Variants in ST14 observed in about 807,000 individuals in gnomAD.
The protein encoded by ST14 is ST14 transmembrane serine protease matriptase, also known as suppressor of tumorigenicity 14 protein.
In ST14, 40 loss-of-function variants were observed where a neutral mutation model predicts 96.5. The observed-to-expected ratio is 0.41, with a 90% CI of 0.32 to 0.54. The LOEUF (loss-of-function observed/expected upper bound fraction) is 0.54, where lower values mean the gene tolerates loss of function less well. Among genes scored for constraint, ST14 ranks in the 20% least tolerant of loss-of-function variants. The pLI, the probability that ST14 is intolerant of heterozygous loss-of-function variation, is 0.17. For synonymous variants in ST14, 506 were observed against 492.1 expected (o/e 1.03, Z -0.37); for missense variants, 1,066 against 1,188.9 (o/e 0.90, Z 1.52).
intron 4 of ST14, 127 bp downstream of exon 4, chr11:130,189,066 T>C (rs112487378): frequency 0.038 from 38,753 of 1,014,074 alleles, 982 homozygotes; most frequent in African/African-American, 0.087. Context: ...CCAAGGAGGG[T>C]CCTCGCTGTG....
intron 5 of ST14, 67 bp downstream of exon 5, chr11:130,189,963 G>GGT: frequency 6.2e-7 from 1 of 1,612,800 alleles, no homozygotes; most frequent in Non-Finnish European, 8.5e-7. Flanking sequence ...CTGGGCCCTG[G>GGT]ACCATTGCAG....
intron 1 of ST14, among the ~76,000 whole-genome samples, chr11:130,185,638 A>G (rs1953230589): frequency 6.6e-6 from 1 of 152,240 alleles, no homozygotes; most frequent in Non-Finnish European, 1.5e-5. Context: ...CCTGGGCAAC[A>G]CAGCAAGACC....
chr11:130,198,784 G>A (rs539056112), intron 14 of ST14, among the ~76,000 whole-genome samples, 163 bp downstream of exon 14: 19 of 152,316 alleles, frequency 1.2e-4, no homozygotes, highest in Admixed American at 8.5e-4. Flanking sequence ...TTTCCAGAAG[G>A]TGGAGAACCT....
At chr11:130,179,233 G>T (rs764288891) in intron 1 of ST14, among the ~76,000 whole-genome samples, 11 of 152,206 alleles carry the variant, frequency 7.2e-5, no homozygotes, top group Non-Finnish European at 1.2e-4. Context: ...AGGGAGAGGG[G>T]CTTGGGAATC....
At chr11:130,203,274 C>T (rs1157559119) in intron 16 of ST14, among the ~76,000 whole-genome samples, 4 of 152,168 alleles carry the variant, frequency 2.6e-5, no homozygotes, top group Admixed American at 1.3e-4. Context: ...TCTCCCCCGT[C>T]CCATGAGACC....
At chr11:130,168,285 T>C (rs1591876827) in intron 1 of ST14, among the ~76,000 whole-genome samples, 1 of 152,162 alleles carries the variant, frequency 6.6e-6, no homozygotes, top group South Asian at 2.1e-4. Flanking sequence ...GTTATGCTGG[T>C]GAATTCTGGA....
At chr11:130,209,243 C>T (rs1417139790) in intron 17 of ST14, among the ~76,000 whole-genome samples, 199 bp from the exon 18 acceptor site, 1 of 152,148 alleles carries the variant, frequency 6.6e-6, no homozygotes, top group Non-Finnish European at 1.5e-5. Context: ...ACTCGCCTGG[C>T]AGATCTCAGC....
In ST14 at chr11:130,181,883, C is replaced by G. The variant is rs528774596; in HGVS notation, c.82-6231C>G. 2.8e-4 allele frequency among the ~76,000 whole-genome samples: 42 copies of G among 152,354 alleles called. No individual in the cohort carries two copies. The highest frequency in any genetic ancestry group is 1.0e-3 in the African/African-American group (42 of 41,582). Reference sequence around the variant, plus strand: ...TTTTAGGCTGGGTGGAGCCACAGAACTCACACTGCAGGGAGGACAGAGGAC... The same window carrying G: ...TTTTAGGCTGGGTGGAGCCACAGAAGTCACACTGCAGGGAGGACAGAGGAC... On this transcript the variant is annotated intron_variant, in intron 1 of 18. Coordinates refer to ENST00000278742, the MANE Select transcript of ST14 (RefSeq NM_021978.4). This position sits in a 1 kb window ranked among gnomAD's most constrained non-coding sequence, Gnocchi z 4.1.
chr11:130,200,553 C>T (rs1953417281), intron 16 of ST14, among the ~76,000 whole-genome samples: 1 of 152,312 alleles, frequency 6.6e-6, no homozygotes, highest in Admixed American at 6.5e-5. Flanking sequence ...CATGAGGGAA[C>T]CGTGACCAAA....
At chr11:130,172,794 C>T (rs1320196780) in intron 1 of ST14, among the ~76,000 whole-genome samples, 1 of 152,192 alleles carries the variant, frequency 6.6e-6, no homozygotes, top group Non-Finnish European at 1.5e-5. Context: ...CCTTGTCTGG[C>T]TGGATGCCGT....
chr11:130,160,134 G>T (rs1357887337), intron 1 of ST14, 74 bp downstream of exon 1: 4 of 1,088,300 alleles, frequency 3.7e-6, no homozygotes, highest in East Asian at 3.3e-5. Flanking sequence ...CGCTGGGCTC[G>T]GCCGGCTCCC....
chr11:130,191,430 C>T (rs1468084487), intron 7 of ST14, among the ~76,000 whole-genome samples: 1 of 152,162 alleles, frequency 6.6e-6, no homozygotes, highest in African/African-American at 2.4e-5. Flanking sequence ...TGGCTCACGC[C>T]TGTAAGCCCA....
At position 130,198,577 on chromosome 11, in the gene ST14, A is replaced by G. The variant is rs1295559717; in HGVS notation, c.1640A>G (p.Lys547Arg). The change falls in exon 14 of 19, where the codon AAG becomes AGG. Residue 547 changes from lysine to arginine, a missense_variant. Coordinates refer to ENST00000278742, the MANE Select transcript of ST14 (RefSeq NM_021978.4). The part of the protein sequence containing the change: ...CLSKSQQCNG[K>R]DDCGDGSDEA... Reference sequence around the variant, plus strand: ...TCGAAAAGCCAGCAGTGCAATGGGAAGGACGACTGTGGGGACGGGTCCGAC... The same window carrying G: ...TCGAAAAGCCAGCAGTGCAATGGGAGGGACGACTGTGGGGACGGGTCCGAC... The G allele has an allele frequency of 1.2e-6, 2 of 1,614,104 alleles. No individual in the cohort carries two copies. The highest frequency in any genetic ancestry group is 1.7e-5 in the Admixed American group (1 of 60,034).
Position 130,209,982 on chromosome 11 carries a change from C to T in ST14, c.*159C>T, listed in dbSNP as rs1412000261. On this transcript the variant is annotated 3_prime_UTR_variant, in exon 19 of 19. Transcript: ENST00000278742. ...AGGGCTCCAAATCTGCCTAGAAAAC[C>T]TCTCGCTTCCTCAGCCTCCAAAGTG... 2 of 877,010 alleles carry T rather than the reference C, an allele frequency of 2.3e-6. No homozygotes were observed. The highest frequency in any genetic ancestry group is 1.8e-5 in the South Asian group (1 of 56,602). 54.3% of individuals were successfully genotyped at this position (877,010 alleles called of 1,614,324 possible).
At chr11:130,177,217 G>A (rs1451328783) in intron 1 of ST14, among the ~76,000 whole-genome samples, 2 of 152,018 alleles carry the variant, frequency 1.3e-5, no homozygotes, top group East Asian at 1.9e-4. Context: ...TTAGCCAACC[G>A]GATGAGTAGG....
intron 1 of ST14, among the ~76,000 whole-genome samples, chr11:130,173,385 G>A (rs1953109928): frequency 6.6e-6 from 1 of 152,100 alleles, no homozygotes; most frequent in Non-Finnish European, 1.5e-5. Flanking sequence ...ATCACCTGAG[G>A]TCAGGAGTCG....
In ST14 at chr11:130,191,264, C is replaced by T. The variant is rs375159783; in HGVS notation, c.875+570C>T. Among the ~76,000 whole-genome samples, 278 of 151,588 alleles carry T rather than the reference C, an allele frequency of 1.8e-3. 1 individual carries two copies. Among genetic ancestry groups the T allele is most frequent in the African/African-American group, 4.3e-3 (177 of 41,276 alleles). The stretch of plus-strand genomic sequence containing the variant: ...CAGGAGGATCTCCAGCCCAGGAGGT[C>T]GAGGCTGCAGTGAGCGGTGATTGCA... On this transcript the variant is annotated intron_variant, in intron 7 of 18. Coordinates refer to ENST00000278742, the MANE Select transcript of ST14 (RefSeq NM_021978.4).
chr11:130,161,557 A>T (rs144636077), intron 1 of ST14, among the ~76,000 whole-genome samples: 58 of 152,188 alleles, frequency 3.8e-4, no homozygotes, highest in South Asian at 1.2e-3. Context: ...CCTGACAAGC[A>T]GCCAGGCTGG....
chr11:130,173,920 G>A (rs1009786126), intron 1 of ST14, among the ~76,000 whole-genome samples: 1 of 152,228 alleles, frequency 6.6e-6, no homozygotes, highest in East Asian at 1.9e-4. Flanking sequence ...TGGCCAGGTC[G>A]CAGCATGCTC....
Sources: allele counts gnomAD v4.1 joint callset (sites outside exome capture counted in the v4.1 genomes callset), GRCh38; gene constraint gnomAD v4.1.1; non-coding constraint Gnocchi (gnomAD v3.1); transcripts MANE v1.5; gene names NCBI Gene and HGNC (gene_info 2026-07-23, HGNC 2026-07-21).